HOGA1: variants seen among roughly 807,000 people sequenced by gnomAD.
The protein encoded by HOGA1 is 4-hydroxy-2-oxoglutarate aldolase, mitochondrial.
Under a neutral mutation model 34.3 loss-of-function variants are expected in HOGA1, and 30 were observed. That is an observed-to-expected ratio of 0.87 (90% CI 0.65 to 1.19). The LOEUF is 1.19. Ranked by LOEUF, HOGA1 falls within the 50% of genes most tolerant of loss-of-function variation. The pLI is 0.00. For synonymous variants in HOGA1, 161 were observed against 174.0 expected, an observed-to-expected ratio of 0.93 and a Z score of 0.59; for missense variants, 417 against 436.5, an observed-to-expected ratio of 0.96 and a Z score of 0.40.
chr10:97,597,174 T>G (rs903087733), intron 1 of HOGA1, among the ~76,000 whole-genome samples: 1 of 151,642 alleles, frequency 6.6e-6, no homozygotes, highest in Non-Finnish European at 1.5e-5. Context: ...GGCACAATCA[T>G]AGTTCACTGC....
chr10:97,600,490 G>A, intron 5 of HOGA1: 1 of 418,004 alleles, frequency 2.4e-6, no homozygotes, highest in South Asian at 2.2e-5. Flanking sequence ...CATTCTCTGA[G>A]GGCAGAGGCC....
rs1315864460 is a variant in HOGA1, at chr10:97,603,210, G to A, written c.834+1220G>A. Among the ~76,000 whole-genome samples, 1 of 151,980 alleles carries A rather than the reference G, an allele frequency of 6.6e-6. No homozygotes were observed. Among genetic ancestry groups the A allele is most frequent in the Admixed American group, 6.6e-5 (1 of 15,262 alleles). On this transcript the variant is annotated intron_variant, in intron 6 of 6. Coordinates refer to ENST00000370646, the MANE Select transcript of HOGA1 (RefSeq NM_138413.4). The surrounding 1 kb of genome is among the most constrained non-coding windows in gnomAD (Gnocchi z 4.5). ...GTAGAGACGGGGTTTCACCATGTTG[G>A]CCAGGCTGGCCTCAAACTCCTAACC...
intron 5 of HOGA1, among the ~76,000 whole-genome samples, chr10:97,601,461 G>A (rs749449673): frequency 1.1e-4 from 17 of 152,290 alleles, no homozygotes; most frequent in Non-Finnish European, 2.2e-4. Flanking sequence ...TTTCAAAAGA[G>A]CAAAGGCTTC....
At chr10:97,590,710 C>A in intron 1 of HOGA1, 1 of 747,662 alleles carries the variant, frequency 1.3e-6, no homozygotes, top group Non-Finnish European at 2.2e-6. Flanking sequence ...CAAATCCCTA[C>A]TTTCTTAGGC....
intron 6 of HOGA1, among the ~76,000 whole-genome samples, chr10:97,607,708 C>G (rs548829638): frequency 6.6e-6 from 1 of 152,190 alleles, no homozygotes; most frequent in East Asian, 1.9e-4. Flanking sequence ...TTTTATGTAA[C>G]GTCCAGAGCT....
At chr10:97,586,630 C>G (rs891155786) in intron 1 of HOGA1, among the ~76,000 whole-genome samples, 17 of 152,190 alleles carry the variant, frequency 1.1e-4, no homozygotes, top group African/African-American at 4.1e-4. Context: ...CAAGGATGCT[C>G]TAGTTCAGGG....
intron 1 of HOGA1, among the ~76,000 whole-genome samples, chr10:97,598,115 GA>G (rs2041084999): frequency 1.3e-5 from 2 of 152,216 alleles, no homozygotes; most frequent in Admixed American, 1.3e-4. Flanking sequence ...GCAAATAGAA[GA>G]AAACATTCTT....
chr10:97,592,007 T>C (rs2041029499), intron 1 of HOGA1, among the ~76,000 whole-genome samples: 1 of 150,944 alleles, frequency 6.6e-6, no homozygotes, highest in Non-Finnish European at 1.5e-5. Context: ...CCTGGCAAAT[T>C]TTTTTTGTAT....
intron 1 of HOGA1, chr10:97,590,770 C>T: frequency 1.6e-6 from 1 of 621,080 alleles, no homozygotes; most frequent in Non-Finnish European, 2.9e-6. Context: ...GGGTCTGCCA[C>T]AGAAGATGGC....
intron 1 of HOGA1, among the ~76,000 whole-genome samples, chr10:97,596,002 A>G (rs2041068392): frequency 6.6e-6 from 1 of 152,226 alleles, no homozygotes; most frequent in Non-Finnish European, 1.5e-5. Context: ...CCTTTAAAAC[A>G]GTCCTATAAG....
intron 1 of HOGA1, chr10:97,590,636 C>G: frequency 6.7e-7 from 1 of 1,493,296 alleles, no homozygotes; most frequent in Non-Finnish European, 9.2e-7. Context: ...AAGGCTGGCT[C>G]ACACACACGT....
At chr10:97,601,817 G>T in intron 5 of HOGA1, 40 bp from the exon 6 acceptor site, 3 of 1,611,730 alleles carry the variant, frequency 1.9e-6, no homozygotes, top group Non-Finnish European at 2.5e-6. Flanking sequence ...GCCTGGAGGG[G>T]AGAGGCTCTG....
rs764666430 is a variant in HOGA1, at chr10:97,599,114, C to T, written c.366C>T (p.Thr122=). The T allele has an allele frequency of 1.7e-5, 27 of 1,613,480 alleles. No individual in the cohort carries two copies. The highest frequency in any genetic ancestry group is 1.1e-4 in the African/African-American group (8 of 74,922). The change falls in exon 3 of 7, where the codon ACC becomes ACT. Residue 122 remains threonine (T), a synonymous_variant. Transcript: ENST00000370646. ...CCACTCAAGCCACAGTGGAGATGAC[C>T]GTCAGCATGGCCCAGGTCGGGGCTG... ...CESTQATVEM[T]VSMAQVGADA...
chr10:97,592,098 C>T (rs758045512), intron 1 of HOGA1, among the ~76,000 whole-genome samples: 12 of 152,036 alleles, frequency 7.9e-5, no homozygotes, highest in Middle Eastern at 6.8e-3. Flanking sequence ...GCCTCAGACT[C>T]AAACTGGCAA....
At chr10:97,609,409 C>G (rs1243203472) in intron 6 of HOGA1, among the ~76,000 whole-genome samples, 1 of 152,180 alleles carries the variant, frequency 6.6e-6, no homozygotes, top group Non-Finnish European at 1.5e-5. Flanking sequence ...GGATGCCTAG[C>G]TGTCATCCCA....
At chr10:97,598,546 G>C (rs1371849467) in intron 1 of HOGA1, among the ~76,000 whole-genome samples, 1 of 152,204 alleles carries the variant, frequency 6.6e-6, no homozygotes, top group Non-Finnish European at 1.5e-5. Flanking sequence ...GGTCGAAACT[G>C]CAGCAAGCTA....
At chr10:97,605,212 C>G (rs558243299) in intron 6 of HOGA1, among the ~76,000 whole-genome samples, 9 of 152,044 alleles carry the variant, frequency 5.9e-5, no homozygotes, top group Admixed American at 3.3e-4. Context: ...AGTTCAAGAC[C>G]AGCCTGCGCA....
intron 6 of HOGA1, among the ~76,000 whole-genome samples, chr10:97,609,482 T>G (rs2041180668): frequency 6.6e-6 from 1 of 152,192 alleles, no homozygotes; most frequent in Non-Finnish European, 1.5e-5. Context: ...TGTCCTCTCC[T>G]GTGCCAGCTC....
intron 1 of HOGA1, among the ~76,000 whole-genome samples, chr10:97,591,775 G>A (rs2041025497): frequency 6.7e-6 from 1 of 149,136 alleles, no homozygotes; most frequent in African/African-American, 2.5e-5. Context: ...CAGGTGTGTG[G>A]AACCACACCT....
Sources: allele counts gnomAD v4.1 joint callset (sites outside exome capture counted in the v4.1 genomes callset), GRCh38; gene constraint gnomAD v4.1.1; non-coding constraint Gnocchi (gnomAD v3.1); transcripts MANE v1.5; gene names NCBI Gene and HGNC (gene_info 2026-07-23, HGNC 2026-07-21).